The following SPRED1 variants were observed in gnomAD, a reference collection of about 807,000 sequenced individuals.
SPRED1 encodes sprouty related EVH1 domain containing 1, also known as sprouty-related, EVH1 domain-containing protein 1.
SPRED1 carries 18 observed loss-of-function variants against 52.3 expected under a neutral mutation model. The ratio of observed to expected loss-of-function variants is 0.34; its 90% CI spans 0.24 to 0.51. The LOEUF is 0.51. Among genes scored for constraint, SPRED1 ranks in the 20% least tolerant of loss-of-function variants. SPRED1 has a pLI of 0.97. For synonymous variants in SPRED1, 155 were observed against 179.7 expected, an observed-to-expected ratio of 0.86 and a Z score of 1.10; for missense variants, 485 against 551.0, an observed-to-expected ratio of 0.88 and a Z score of 1.20.
Position 38,354,448 on chromosome 15 carries a change from C to G in SPRED1, c.*2784C>G, listed in dbSNP as rs1888564532. The G allele has an allele frequency of 6.6e-6, 1 of 152,136 alleles. No individual in the cohort carries two copies. Among genetic ancestry groups the G allele is most frequent in the South Asian group, 2.1e-4 (1 of 4,832 alleles). 9.4% of individuals were successfully genotyped at this position (152,136 alleles called of 1,614,324 possible). A position where few individuals can be genotyped will look rare whatever the true frequency, so the allele number is the denominator to read the frequency against. ...CAGAATTGATAATTCTTAAATATTT[C>G]TCTTGGCTTCAAAAGGGACATCATT... On this transcript the variant is annotated 3_prime_UTR_variant, in exon 7 of 7. Coordinates refer to ENST00000299084, the MANE Select transcript of SPRED1 (RefSeq NM_152594.3).
intron 2 of SPRED1, among the ~76,000 whole-genome samples, chr15:38,310,052 T>C (rs1220093470): frequency 6.6e-6 from 1 of 152,098 alleles, no homozygotes; most frequent in Non-Finnish European, 1.5e-5. Flanking sequence ...GTTACTCTTC[T>C]TTCTCAATAT....
intron 1 of SPRED1, among the ~76,000 whole-genome samples, chr15:38,263,958 A>G (rs1894254021): frequency 6.6e-6 from 1 of 152,216 alleles, no homozygotes; most frequent in South Asian, 2.1e-4. Context: ...GAAAATAAGA[A>G]GTGCTGAAGC....
Position 38,256,039 on chromosome 15 carries a change from C to T in SPRED1, c.32+2822C>T, listed in dbSNP as rs995080660. On this transcript the variant is annotated intron_variant, in intron 1 of 6. Transcript: ENST00000299084. ...AAGTTTTATGTAGAGAAATGGATAA[C>T]TCCTAGGCTGACTGTGAGAATATAT... Among the ~76,000 whole-genome samples the T allele has an allele frequency of 2.0e-5, 3 of 152,120 alleles. No homozygotes were observed. The East Asian group carries it at 5.8e-4, about 29-fold the overall frequency.
intron 2 of SPRED1, among the ~76,000 whole-genome samples, chr15:38,313,692 G>T (rs906097282): frequency 1.3e-5 from 2 of 151,316 alleles, no homozygotes; most frequent in African/African-American, 2.4e-5. Flanking sequence ...TGGTGAAAAA[G>T]TAGTTCTTCC....
At position 38,357,018 on chromosome 15, in the gene SPRED1, CAAGT is replaced by C. The variant is rs1888636265; in HGVS notation, c.*5360_*5363del. ...ATTCTTCACATCAAGTTAATACCCA[CAAGT>C]AAGTAGAATAGCTTTTATAACAAGG... is the stretch of plus-strand genomic sequence containing the variant. On this transcript the variant is annotated 3_prime_UTR_variant, in exon 7 of 7. Coordinates refer to ENST00000299084, the MANE Select transcript of SPRED1 (RefSeq NM_152594.3). 1.3e-5 allele frequency: 2 copies of C among 152,134 alleles called. No individual in the cohort carries two copies. Among genetic ancestry groups the C allele is most frequent in the African/African-American group, 4.8e-5 (2 of 41,438 alleles). The allele number at this position is 152,134 out of a possible 1,614,324, so 9.4% of individuals were successfully genotyped here.
At chr15:38,258,708 G>A (rs1393208698) in intron 1 of SPRED1, among the ~76,000 whole-genome samples, 1 of 152,042 alleles carries the variant, frequency 6.6e-6, no homozygotes, top group Non-Finnish European at 1.5e-5. Context: ...ATGCTTTATG[G>A]TAAAATAAAA....
intron 1 of SPRED1, among the ~76,000 whole-genome samples, chr15:38,299,122 T>C (rs1895099778): frequency 6.6e-6 from 1 of 152,200 alleles, no homozygotes; most frequent in Non-Finnish European, 1.5e-5. Context: ...ACTGAAATGA[T>C]GAATTGAGGT....
chr15:38,314,439 C>T (rs1443623006), intron 2 of SPRED1, among the ~76,000 whole-genome samples: 1 of 151,862 alleles, frequency 6.6e-6, no homozygotes, highest in African/African-American at 2.4e-5. Context: ...CATCCACCAC[C>T]TTTTCCCAAT....
chr15:38,317,470 G>T (rs960753652), intron 2 of SPRED1, among the ~76,000 whole-genome samples: 1 of 151,880 alleles, frequency 6.6e-6, no homozygotes, highest in African/African-American at 2.4e-5. Flanking sequence ...TCTTGTCAAA[G>T]ATGTAATTGC....
chr15:38,292,930 T>C (rs1414222802), intron 1 of SPRED1, among the ~76,000 whole-genome samples: 3 of 152,112 alleles, frequency 2.0e-5, no homozygotes, highest in Non-Finnish European at 4.4e-5. Flanking sequence ...TATTAAGTCA[T>C]TGTAATAACA....
intron 1 of SPRED1, among the ~76,000 whole-genome samples, chr15:38,280,597 A>T (rs1894666961): frequency 6.6e-6 from 1 of 152,186 alleles, no homozygotes; most frequent in Admixed American, 6.5e-5. Context: ...AAGAGATTTT[A>T]AAAATGTGAT....
chr15:38,280,972 A>T (rs981140153), intron 1 of SPRED1, among the ~76,000 whole-genome samples: 5 of 152,210 alleles, frequency 3.3e-5, no homozygotes, highest in Non-Finnish European at 7.3e-5. Flanking sequence ...ATAACCCACC[A>T]GTGTGATGAT....
intron 2 of SPRED1, among the ~76,000 whole-genome samples, chr15:38,320,644 T>C (rs1296221173): frequency 2.8e-4 from 42 of 152,114 alleles, no homozygotes; most frequent in Admixed American, 2.8e-3. Context: ...GTAATGAAAA[T>C]ACAACCTTTC....
At chr15:38,324,587 T>G (rs1477778510) in intron 3 of SPRED1, among the ~76,000 whole-genome samples, 176 bp from the exon 4 acceptor site, 3 of 152,164 alleles carry the variant, frequency 2.0e-5, no homozygotes, top group Non-Finnish European at 4.4e-5. Flanking sequence ...AATTACATTA[T>G]TCTCCATTAT....
intron 4 of SPRED1, among the ~76,000 whole-genome samples, chr15:38,336,671 A>G (rs1317764846): frequency 2.6e-5 from 4 of 151,860 alleles, no homozygotes; most frequent in Non-Finnish European, 5.9e-5. Flanking sequence ...AAGTGAAGCA[A>G]CTCAGGAATG....
rs769959530 is a variant in SPRED1, at chr15:38,351,515, A to G, written c.1186A>G (p.Ser396Gly). 8.1e-6 allele frequency: 13 copies of G among 1,613,990 alleles called. No homozygotes were observed. The highest frequency in any genetic ancestry group is 1.1e-5 in the Non-Finnish European group (13 of 1,180,018). ...TTCTGATCCCTGTTCGTGTGACACT[A>G]GCGACGACAAGTTCTGCTTGCGATG... ...DFSDPCSCDT[S>G]DDKFCLRWLA... Residue 396 changes from serine to glycine, a missense_variant, in exon 7 of 7, where the codon AGC (serine) becomes GGC (glycine). Transcript: ENST00000299084.
At chr15:38,339,658 T>G (rs1423092685) in intron 4 of SPRED1, 79 bp from the exon 5 acceptor site, 1 of 1,459,318 alleles carries the variant, frequency 6.9e-7, no homozygotes, top group East Asian at 2.3e-5. Flanking sequence ...TAAATACTTT[T>G]TAGAGTGAAA....
intron 2 of SPRED1, among the ~76,000 whole-genome samples, chr15:38,305,859 A>G (rs1895241466): frequency 6.6e-6 from 1 of 152,190 alleles, no homozygotes; most frequent in African/African-American, 2.4e-5. Flanking sequence ...ATGTGCATCA[A>G]CAATAGTTAT....
At chr15:38,327,393 C>G (rs1895727029) in intron 4 of SPRED1, among the ~76,000 whole-genome samples, 1 of 152,026 alleles carries the variant, frequency 6.6e-6, no homozygotes, top group African/African-American at 2.4e-5. Flanking sequence ...GTAGGCTGTT[C>G]CTAGGGACTC....
Sources: gnomAD v4.1 joint callset for allele counts (sites outside exome capture counted in the v4.1 genomes callset) on GRCh38, gnomAD v4.1.1 for gene constraint, MANE v1.5 for transcripts, NCBI Gene and HGNC (gene_info 2026-07-23, HGNC 2026-07-21) for gene names.